The following SPATA6 variants were observed in gnomAD, a reference collection of about 807,000 sequenced individuals.
SPATA6 encodes spermatogenesis-associated protein 6.
A neutral mutation model predicts 65.3 loss-of-function variants in SPATA6; 56 were observed. That is an observed-to-expected ratio of 0.86 (90% CI 0.69 to 1.07). SPATA6 has a LOEUF of 1.07. Ranked by LOEUF, SPATA6 falls within the 50% of genes least tolerant of loss-of-function variation. The pLI, the probability that SPATA6 is intolerant of heterozygous loss-of-function variation, is 0.00. For missense variants in SPATA6, 590 were observed against 594.8 expected, an observed-to-expected ratio of 0.99 and a Z score of 0.08; for synonymous variants, 199 against 213.2, an observed-to-expected ratio of 0.93 and a Z score of 0.58.
At chr1:48,385,190 T>C (rs1649330719) in intron 9 of SPATA6, 119 bp downstream of exon 9, 1 of 893,642 alleles carries the variant, frequency 1.1e-6, no homozygotes, top group Admixed American at 3.8e-5. Context: ...AATTATTGTT[T>C]TTACATTTTT....
the SPATA6 span, among the ~76,000 whole-genome samples, chr1:48,274,564 G>A: frequency 6.6e-6 from 1 of 152,160 alleles, no homozygotes; most frequent in Non-Finnish European, 1.5e-5. Flanking sequence ...CATATGGCTA[G>A]CCAGTTTTTC....
At chr1:48,380,379 C>T (rs1302354154) in intron 9 of SPATA6, among the ~76,000 whole-genome samples, 2 of 152,166 alleles carry the variant, frequency 1.3e-5, no homozygotes, top group East Asian at 3.9e-4. Flanking sequence ...ACCTACTATC[C>T]CCTAAGGGAA....
intron 9 of SPATA6, among the ~76,000 whole-genome samples, chr1:48,364,723 G>A (rs1372870592): frequency 1.3e-5 from 2 of 152,068 alleles, no homozygotes; most frequent in East Asian, 3.9e-4. Flanking sequence ...AGTAGGTTGC[G>A]AAAATTTTCA....
intron 11 of SPATA6, among the ~76,000 whole-genome samples, chr1:48,346,592 A>C (rs183766112): frequency 6.6e-6 from 1 of 152,270 alleles, no homozygotes; most frequent in East Asian, 1.9e-4. Context: ...AAGCTTCTTA[A>C]GCTGAAAAAT....
intron 1 of SPATA6, among the ~76,000 whole-genome samples, chr1:48,462,096 A>T (rs956164602): frequency 1.1e-4 from 17 of 152,090 alleles, no homozygotes; most frequent in Admixed American, 7.9e-4. Context: ...TCGCAAGGAC[A>T]AAAAACCAAA....
At chr1:48,445,399 C>T (rs575961220) in intron 3 of SPATA6, among the ~76,000 whole-genome samples, 1 of 152,090 alleles carries the variant, frequency 6.6e-6, no homozygotes, top group South Asian at 2.1e-4. Flanking sequence ...CGTGGTGGCT[C>T]ACGCCTGTAA....
At chr1:48,354,236 ATCAG>A (rs764837743) in intron 11 of SPATA6, among the ~76,000 whole-genome samples, 43 of 152,152 alleles carry the variant, frequency 2.8e-4, no homozygotes, top group African/African-American at 8.4e-4. Context: ...CACACACACA[ATCAG>A]TCAAAGAAGT....
At chr1:48,411,851 T>C (rs1652267860) in intron 4 of SPATA6, among the ~76,000 whole-genome samples, 1 of 152,122 alleles carries the variant, frequency 6.6e-6, no homozygotes, top group Non-Finnish European at 1.5e-5. Flanking sequence ...TTTTTGTTTG[T>C]TTGTTTTTGA....
At chr1:48,366,415 T>C (rs1481972798) in intron 9 of SPATA6, among the ~76,000 whole-genome samples, 1 of 152,162 alleles carries the variant, frequency 6.6e-6, no homozygotes, top group Non-Finnish European at 1.5e-5. Flanking sequence ...CGGCTGTGAA[T>C]CCATCTGGTC....
intron 9 of SPATA6, among the ~76,000 whole-genome samples, chr1:48,362,596 T>A (rs554699015): frequency 1.3e-5 from 2 of 152,244 alleles, no homozygotes; most frequent in South Asian, 4.1e-4. Context: ...ACAGGGCATA[T>A]ACAGAAGGAT....
chr1:48,283,147 C>T, the SPATA6 span, among the ~76,000 whole-genome samples: 3 of 125,280 alleles, frequency 2.4e-5, no homozygotes, highest in African/African-American at 9.4e-5. Flanking sequence ...AACACATGGA[C>T]ACAGGAAGGG....
intron 11 of SPATA6, among the ~76,000 whole-genome samples, chr1:48,353,748 A>G (rs868732553): frequency 2.0e-5 from 3 of 152,022 alleles, no homozygotes; most frequent in South Asian, 2.1e-4. Context: ...TGTGACCCCT[A>G]GCTACCACTA....
At chr1:48,319,401 C>G (rs1645533970) in intron 11 of SPATA6, among the ~76,000 whole-genome samples, 1 of 152,098 alleles carries the variant, frequency 6.6e-6, no homozygotes, top group Non-Finnish European at 1.5e-5. Flanking sequence ...AAAGAGCTCT[C>G]AAAATCCAGT....
intron 3 of SPATA6, among the ~76,000 whole-genome samples, chr1:48,447,118 A>C (rs1450012534): frequency 6.6e-6 from 1 of 152,178 alleles, no homozygotes; most frequent in African/African-American, 2.4e-5. Context: ...TTATTATAAG[A>C]ATATAGTATA....
In SPATA6 at chr1:48,472,169, GA is replaced by G. The variant is rs1471170105; in HGVS notation, c.-162del. 1.8e-6 allele frequency: 1 copy of G among 565,738 alleles called. No homozygotes were observed. Among genetic ancestry groups the G allele is most frequent in the Non-Finnish European group, 3.0e-6 (1 of 335,666 alleles). 35.0% of individuals were successfully genotyped at this position (565,738 alleles called of 1,614,324 possible). On this transcript the variant is annotated 5_prime_UTR_variant, in exon 1 of 13. Transcript: ENST00000371847. ...GCGGTCCAGCCTGGGTTCCGCCGGA[GA>G]AGCAGCTGAGCGCGGGGCGCAGACT...
the SPATA6 span, among the ~76,000 whole-genome samples, chr1:48,287,027 T>C: frequency 1.8e-4 from 25 of 137,450 alleles, no homozygotes; most frequent in South Asian, 9.5e-4. Flanking sequence ...TAACAAGAGT[T>C]AGACTGTCTC....
intron 1 of SPATA6, among the ~76,000 whole-genome samples, chr1:48,462,176 A>T (rs1657488419): frequency 6.6e-6 from 1 of 151,382 alleles, no homozygotes; most frequent in Admixed American, 6.7e-5. Flanking sequence ...GGGGAACATC[A>T]CACTCTGGGG....
chr1:48,361,493 G>A (rs1264554540), intron 9 of SPATA6, among the ~76,000 whole-genome samples: 4 of 152,106 alleles, frequency 2.6e-5, no homozygotes, highest in Non-Finnish European at 5.9e-5. Context: ...GAGAGAATAA[G>A]AGGAGAGGAA....
Position 48,343,180 on chromosome 1 carries a change from T to C in SPATA6, c.1194+12490A>G, listed in dbSNP as rs531336160. Among the ~76,000 whole-genome samples, 6 of 152,278 alleles carry C rather than the reference T, an allele frequency of 3.9e-5. No homozygotes were observed. In the East Asian group the frequency reaches 9.6e-4, roughly 24 times the overall value. On this transcript the variant is annotated intron_variant, in intron 11 of 12. Coordinates refer to ENST00000371847, the MANE Select transcript of SPATA6 (RefSeq NM_019073.4). Reference sequence around the variant, plus strand: ...ATGTACAAGATGAGTCTGGGACTCATCTATGTGGCCTACTAGGGCCACATA... The same window carrying C: ...ATGTACAAGATGAGTCTGGGACTCACCTATGTGGCCTACTAGGGCCACATA...
Sources: allele counts gnomAD v4.1 joint callset (sites outside exome capture counted in the v4.1 genomes callset), GRCh38; gene constraint gnomAD v4.1.1; transcripts MANE v1.5; gene names NCBI Gene and HGNC (gene_info 2026-07-23, HGNC 2026-07-21).